Variants in PGR observed in about 807,000 individuals in gnomAD.
PGR encodes the protein nuclear receptor subfamily 3 group C member 3.
PGR carries 25 observed loss-of-function variants against 76.1 expected under a neutral mutation model. The observed-to-expected ratio is 0.33, with a 90% CI of 0.24 to 0.46. The LOEUF is 0.46. PGR is among the 20% of genes least tolerant of loss of function. The pLI, the probability that PGR is intolerant of heterozygous loss-of-function variation, is 1.00. For synonymous variants in PGR, 579 were observed against 535.0 expected, an observed-to-expected ratio of 1.08 and a Z score of -1.14; for missense variants, 1,172 against 1,225.3, an observed-to-expected ratio of 0.96 and a Z score of 0.65.
chr11:101,083,962 G>C (rs1300275785), intron 3 of PGR, among the ~76,000 whole-genome samples: 2 of 152,060 alleles, frequency 1.3e-5, no homozygotes, highest in African/African-American at 4.8e-5. Flanking sequence ...GAGGGGCCAG[G>C]GGCAGAATGA....
At position 101,078,667 on chromosome 11, in the gene PGR, C is replaced by T. The variant is rs146571950; in HGVS notation, c.1906+13093G>A. On this transcript the variant is annotated intron_variant, in intron 3 of 7. Transcript: ENST00000325455. ...CATTAAAGACAAGAATCATATGCAA[C>T]GAAGAAATCAAATAACTCAAAACAT... is the stretch of plus-strand genomic sequence containing the variant. 6.6e-3 allele frequency among the ~76,000 whole-genome samples: 1,004 copies of T among 152,168 alleles called. 5 individuals are homozygous for T. Among genetic ancestry groups the T allele is most frequent in the Admixed American group, 9.8e-3 (150 of 15,268 alleles).
intron 3 of PGR, among the ~76,000 whole-genome samples, chr11:101,066,990 C>G (rs1246755253): frequency 6.6e-6 from 1 of 152,266 alleles, no homozygotes; most frequent in East Asian, 1.9e-4. Flanking sequence ...TTGATATTTT[C>G]AGTGACTCCT....
chr11:101,075,373 G>A (rs1565345985), intron 3 of PGR, among the ~76,000 whole-genome samples: 1 of 151,998 alleles, frequency 6.6e-6, no homozygotes, highest in Non-Finnish European at 1.5e-5. Context: ...AACCCTAGAG[G>A]AAAACCTGGG....
intron 3 of PGR, among the ~76,000 whole-genome samples, chr11:101,069,630 C>T (rs1055028569): frequency 2.6e-5 from 4 of 152,096 alleles, no homozygotes; most frequent in Non-Finnish European, 5.9e-5. Flanking sequence ...CAGTGAGAGA[C>T]TGGATAAAGA....
intron 2 of PGR, among the ~76,000 whole-genome samples, chr11:101,110,276 T>C (rs1046316392): frequency 9.9e-5 from 15 of 152,198 alleles, no homozygotes; most frequent in Admixed American, 2.0e-4. Context: ...CAAAGTACAT[T>C]GAAAATCTTT....
At chr11:101,068,302 T>C (rs905359310) in intron 3 of PGR, among the ~76,000 whole-genome samples, 3 of 152,210 alleles carry the variant, frequency 2.0e-5, no homozygotes, top group Non-Finnish European at 4.4e-5. Context: ...TGCCCAGGAA[T>C]ACAACTTACA....
intron 6 of PGR, among the ~76,000 whole-genome samples, chr11:101,048,288 T>C (rs1859960410): frequency 6.6e-6 from 1 of 152,144 alleles, no homozygotes; most frequent in African/African-American, 2.4e-5. Flanking sequence ...AGTAAATACT[T>C]TGGGGATGGG....
At position 101,064,551 on chromosome 11, in the gene PGR, TTG is replaced by T. The variant is rs145634584; in HGVS notation, c.1907-1801_1907-1800del. On this transcript the variant is annotated intron_variant, in intron 3 of 7. Transcript: ENST00000325455. The stretch of plus-strand genomic sequence containing the variant: ...TGGAGTATATAGCATATGCCAGGAA[TTG>T]TGTGTGTGTGTGTTTGTGTCTAAGG... Among the ~76,000 whole-genome samples the T allele has an allele frequency of 5.3e-4, 80 of 151,220 alleles. 1 individual carries two copies. Among genetic ancestry groups the T allele is most frequent in the African/African-American group, 1.7e-3 (70 of 41,264 alleles).
At chr11:101,082,984 G>C (rs1302277502) in intron 3 of PGR, among the ~76,000 whole-genome samples, 2 of 152,212 alleles carry the variant, frequency 1.3e-5, no homozygotes, top group African/African-American at 4.8e-5. Flanking sequence ...GGGCATTTCA[G>C]AGACCTTCAC....
At chr11:101,125,658 A>T (rs1862816533) in intron 2 of PGR, among the ~76,000 whole-genome samples, 1 of 152,198 alleles carries the variant, frequency 6.6e-6, no homozygotes, top group Non-Finnish European at 1.5e-5. Context: ...AAAGTACTGC[A>T]TACACATATA....
In PGR at chr11:101,095,693, T is replaced by C. The variant is rs77640914; in HGVS notation, c.1790-3817A>G. Among the ~76,000 whole-genome samples the C allele has an allele frequency of 2.2e-3, 332 of 152,292 alleles. 8 individuals are homozygous for C. In the East Asian group the frequency reaches 0.055, roughly 25 times the overall value. On this transcript the variant is annotated intron_variant, in intron 2 of 7. Transcript: ENST00000325455. ...TTGGCAATTAAAATGAAGATAACAT[T>C]AGTACCTTGGATTGGATCTAAGGAA...
intron 6 of PGR, among the ~76,000 whole-genome samples, chr11:101,046,162 A>G (rs1469932112): frequency 1.3e-5 from 2 of 151,016 alleles, no homozygotes; most frequent in African/African-American, 4.9e-5. Context: ...GTCTCACTCA[A>G]TCACCCAGGC....
At chr11:101,119,474 A>G (rs1360563958) in intron 2 of PGR, among the ~76,000 whole-genome samples, 2 of 152,202 alleles carry the variant, frequency 1.3e-5, no homozygotes, top group African/African-American at 4.8e-5. Context: ...AAGAGTGAGC[A>G]GTTGGACTTT....
intron 2 of PGR, among the ~76,000 whole-genome samples, 178 bp from the exon 3 acceptor site, chr11:101,092,054 T>A (rs1421297971): frequency 6.6e-6 from 1 of 152,202 alleles, no homozygotes; most frequent in Non-Finnish European, 1.5e-5. Context: ...ACTTTACCTG[T>A]GCCTTTAGGA....
At chr11:101,071,119 G>A (rs2135424282) in intron 3 of PGR, among the ~76,000 whole-genome samples, 1 of 152,308 alleles carries the variant, frequency 6.6e-6, no homozygotes, top group Admixed American at 6.5e-5. Flanking sequence ...GAAGATTCCA[G>A]AGGAAGGAAC....
chr11:101,128,606 G>T lies in PGR; in HGVS notation c.465C>A (p.Pro155=). Residue 155 remains proline, a synonymous_variant, in exon 1 of 8, where the codon CCC becomes CCA. Transcript: ENST00000325455. The part of the protein sequence containing the change: ...PELPEDPPAA[P]ATQRVLSPLM... Reference sequence around the variant, plus strand: ...GCGGGGACAACACCCGCTGGGTGGCGGGGGCAGCCGGTGGATCTTCGGGAA... The same window carrying T: ...GCGGGGACAACACCCGCTGGGTGGCTGGGGCAGCCGGTGGATCTTCGGGAA... 6.3e-7 allele frequency: 1 copy of T among 1,589,990 alleles called. No homozygotes were observed. The highest frequency in any genetic ancestry group is 1.1e-5 in the South Asian group (1 of 88,452).
intron 2 of PGR, among the ~76,000 whole-genome samples, chr11:101,092,222 T>C (rs1861697328): frequency 6.6e-6 from 1 of 152,228 alleles, no homozygotes; most frequent in South Asian, 2.1e-4. Flanking sequence ...GCATTAGTTG[T>C]ACCAGGTGGT....
At chr11:101,052,502 T>C (rs975307871) in intron 4 of PGR, among the ~76,000 whole-genome samples, 2 of 151,980 alleles carry the variant, frequency 1.3e-5, no homozygotes, top group African/African-American at 4.8e-5. Flanking sequence ...AACTTAAAGG[T>C]GGGAGAAGCA....
chr11:101,081,730 C>T (rs12275538), intron 3 of PGR, among the ~76,000 whole-genome samples: 2,944 of 152,246 alleles, frequency 0.019, 79 homozygotes, highest in African/African-American at 0.068. Flanking sequence ...TACCACTAGA[C>T]CATCCTTACA....
Sources: gnomAD v4.1 joint callset for allele counts (sites outside exome capture counted in the v4.1 genomes callset) on GRCh38, gnomAD v4.1.1 for gene constraint, MANE v1.5 for transcripts, NCBI Gene and HGNC (gene_info 2026-07-23, HGNC 2026-07-21) for gene names.